The following IMMP2L variants were observed in gnomAD, a reference collection of about 807,000 sequenced individuals.
IMMP2L encodes inner mitochondrial membrane peptidase subunit 2.
In IMMP2L, 18 loss-of-function variants were observed where a neutral mutation model predicts 19.3. The ratio of observed to expected loss-of-function variants is 0.93; its 90% CI spans 0.64 to 1.38. The LOEUF is 1.38. Among genes scored for constraint, IMMP2L ranks in the 40% most tolerant of loss-of-function variants. The pLI, the probability that IMMP2L is intolerant of heterozygous loss-of-function variation, is 0.00. For synonymous variants in IMMP2L, 76 were observed against 73.0 expected (o/e 1.04, Z -0.21); for missense variants, 233 against 218.2 (o/e 1.07, Z -0.43).
At chr7:111,240,629 T>C (rs982506038) in intron 3 of IMMP2L, among the ~76,000 whole-genome samples, 3 of 151,934 alleles carry the variant, frequency 2.0e-5, no homozygotes, top group South Asian at 2.1e-4. Context: ...GACAGTCCCA[T>C]TACTTCATGT....
chr7:110,687,307 T>C (rs1381544170), intron 5 of IMMP2L, among the ~76,000 whole-genome samples: 1 of 152,108 alleles, frequency 6.6e-6, no homozygotes, highest in Non-Finnish European at 1.5e-5. Flanking sequence ...CCCACTTCTA[T>C]CTATGTCTCT....
intron 3 of IMMP2L, among the ~76,000 whole-genome samples, chr7:110,965,645 T>C (rs1270910798): frequency 3.3e-5 from 5 of 151,996 alleles, no homozygotes; most frequent in Non-Finnish European, 5.9e-5. Flanking sequence ...GGGTTACTTA[T>C]AGACCTTTTA....
At chr7:111,138,126 C>T (rs890142196) in intron 3 of IMMP2L, among the ~76,000 whole-genome samples, 2 of 152,190 alleles carry the variant, frequency 1.3e-5, no homozygotes, top group Non-Finnish European at 2.9e-5. Flanking sequence ...CCACCGTGAC[C>T]AGCCTTGTGC....
At chr7:110,863,004 C>T (rs1807608393) in intron 5 of IMMP2L, among the ~76,000 whole-genome samples, 1 of 152,022 alleles carries the variant, frequency 6.6e-6, no homozygotes, top group Non-Finnish European at 1.5e-5. Flanking sequence ...ACTGGGGGAT[C>T]GGAGAACCAG....
chr7:111,480,193 C>G (rs1842058516), intron 3 of IMMP2L, among the ~76,000 whole-genome samples: 1 of 151,596 alleles, frequency 6.6e-6, no homozygotes, highest in South Asian at 2.1e-4. Flanking sequence ...ACGCCATTCT[C>G]CTGCCTCAGC....
intron 3 of IMMP2L, among the ~76,000 whole-genome samples, chr7:111,395,361 A>G (rs1302076647): frequency 6.6e-6 from 1 of 152,224 alleles, no homozygotes; most frequent in Non-Finnish European, 1.5e-5. Context: ...ATTAGAAAGC[A>G]ATCAATAAAA....
At chr7:111,430,999 C>T (rs1435546318) in intron 3 of IMMP2L, among the ~76,000 whole-genome samples, 1 of 151,578 alleles carries the variant, frequency 6.6e-6, no homozygotes, top group Non-Finnish European at 1.5e-5. Flanking sequence ...GCCAGCTACT[C>T]GGGAGGCTGA....
rs183366259 is a variant in IMMP2L, at chr7:111,027,421, G to T, written c.240-63856C>A. On this transcript the variant is annotated intron_variant, in intron 3 of 5. Transcript: ENST00000405709. ...AATATTTAGTTCACTGAATTTCACA[G>T]ATAAAATAGCACAATCTAAAATGAC... Among the ~76,000 whole-genome samples the T allele has an allele frequency of 1.0e-3, 157 of 152,190 alleles. 1 individual carries two copies. The highest frequency in any genetic ancestry group is 3.6e-3 in the African/African-American group (148 of 41,544).
chr7:110,888,939 T>C (rs536111478), intron 4 of IMMP2L, among the ~76,000 whole-genome samples: 20 of 152,268 alleles, frequency 1.3e-4, no homozygotes, highest in Non-Finnish European at 2.1e-4. Flanking sequence ...ACCAAATGAA[T>C]GAATATCTGA....
chr7:110,915,074 C>T (rs1398761047), intron 4 of IMMP2L, among the ~76,000 whole-genome samples: 12 of 152,124 alleles, frequency 7.9e-5, no homozygotes, highest in Non-Finnish European at 1.5e-4. Context: ...AACAATCCAG[C>T]AATCCTATTC....
At chr7:110,812,885 A>C in intron 5 of IMMP2L, among the ~76,000 whole-genome samples, 1 of 152,038 alleles carries the variant, frequency 6.6e-6, no homozygotes, top group East Asian at 1.9e-4. Flanking sequence ...AAGAAAAAAA[A>C]AGGCAAATCA....
At chr7:111,176,112 A>G (rs1040373978) in intron 3 of IMMP2L, among the ~76,000 whole-genome samples, 14 of 151,974 alleles carry the variant, frequency 9.2e-5, no homozygotes, top group Admixed American at 2.6e-4. Context: ...TCTGAAAGAC[A>G]GACAATAATG....
At chr7:111,477,382 C>T (rs943989056) in intron 3 of IMMP2L, among the ~76,000 whole-genome samples, 1 of 151,994 alleles carries the variant, frequency 6.6e-6, no homozygotes, top group Admixed American at 6.6e-5. Context: ...TACATGAAGT[C>T]CAATAGAACA....
At chr7:111,459,488 G>C (rs1222741284) in intron 3 of IMMP2L, among the ~76,000 whole-genome samples, 1 of 151,890 alleles carries the variant, frequency 6.6e-6, no homozygotes, top group Non-Finnish European at 1.5e-5. Flanking sequence ...ATCTATGAAA[G>C]TACTTACAAA....
intron 1 of IMMP2L, among the ~76,000 whole-genome samples, chr7:111,552,745 G>C (rs527266317): frequency 1.1e-4 from 16 of 152,236 alleles, no homozygotes; most frequent in Non-Finnish European, 1.8e-4. Flanking sequence ...TCATGTCCTT[G>C]TGTAATCCAC....
intron 4 of IMMP2L, among the ~76,000 whole-genome samples, chr7:110,934,776 T>C (rs568694583): frequency 6.6e-6 from 1 of 152,316 alleles, no homozygotes; most frequent in Non-Finnish European, 1.5e-5. Context: ...TTTTTTGATA[T>C]TTGTTGGCTT....
At chr7:111,362,095 G>C (rs966134779) in intron 3 of IMMP2L, among the ~76,000 whole-genome samples, 5 of 151,786 alleles carry the variant, frequency 3.3e-5, no homozygotes, top group African/African-American at 1.2e-4. Context: ...GAGTACCAAA[G>C]AAATCTAACT....
chr7:111,126,136 T>C, intron 3 of IMMP2L, among the ~76,000 whole-genome samples: 1 of 152,150 alleles, frequency 6.6e-6, no homozygotes. Flanking sequence ...GCTGCTTGCT[T>C]TGCAGAAACT....
At chr7:111,311,503 C>A (rs143710090) in intron 3 of IMMP2L, among the ~76,000 whole-genome samples, 1 of 152,170 alleles carries the variant, frequency 6.6e-6, no homozygotes, top group African/African-American at 2.4e-5. Flanking sequence ...CCACAATGTA[C>A]AATCATCCTG....
Sources: gnomAD v4.1 joint callset for allele counts (sites outside exome capture counted in the v4.1 genomes callset) on GRCh38, gnomAD v4.1.1 for gene constraint, MANE v1.5 for transcripts, NCBI Gene and HGNC (gene_info 2026-07-23, HGNC 2026-07-21) for gene names.